ASB3: variants seen among roughly 807,000 people sequenced by gnomAD.
The protein encoded by ASB3 is ankyrin repeat and SOCS box protein 3.
A neutral mutation model predicts 54.5 loss-of-function variants in ASB3; 41 were observed. The ratio of observed to expected loss-of-function variants is 0.75; its 90% CI spans 0.59 to 0.98. ASB3 has a LOEUF of 0.98. Among genes scored for constraint, ASB3 ranks in the 50% least tolerant of loss-of-function variants. ASB3 has a pLI of 0.00. For synonymous variants in ASB3, 266 were observed against 221.2 expected (o/e 1.20, Z -1.80); for missense variants, 733 against 620.0 (o/e 1.18, Z -1.94).
intron 3 of ASB3, among the ~76,000 whole-genome samples, chr2:53,731,562 G>A (rs980361533): frequency 3.9e-5 from 6 of 152,172 alleles, no homozygotes; most frequent in African/African-American, 1.4e-4. Flanking sequence ...AGTTCTTCAA[G>A]CTATTTTTGT....
At chr2:53,691,147 A>G (rs959235969) in intron 9 of ASB3, among the ~76,000 whole-genome samples, 2 of 152,234 alleles carry the variant, frequency 1.3e-5, no homozygotes, top group African/African-American at 4.8e-5. Flanking sequence ...CTGATGCTAG[A>G]AACTTTTTGA....
chr2:53,718,880 A>C (rs888503618), intron 5 of ASB3, among the ~76,000 whole-genome samples: 17 of 152,170 alleles, frequency 1.1e-4, no homozygotes, highest in Admixed American at 7.9e-4. Flanking sequence ...TTTATCAACC[A>C]AATGGAAAAC....
At chr2:53,673,309 G>A (rs987011229) in intron 9 of ASB3, among the ~76,000 whole-genome samples, 3 of 152,142 alleles carry the variant, frequency 2.0e-5, no homozygotes, top group Admixed American at 1.3e-4. Flanking sequence ...TGTGCAACCC[G>A]GAGGAGAGCT....
At position 53,729,520 on chromosome 2, in the gene ASB3, C is replaced by T. The variant is rs763353934; in HGVS notation, c.406G>A (p.Ala136Thr). 22 of 1,613,830 alleles carry T rather than the reference C, an allele frequency of 1.4e-5. No individual in the cohort carries two copies. The highest frequency in any genetic ancestry group is 1.1e-5 in the Non-Finnish European group (13 of 1,179,862). The change falls in exon 4 of 10, where the codon GCA becomes ACA. Residue 136 changes from alanine (A) to threonine (T), a missense_variant. Coordinates refer to ENST00000263634, the MANE Select transcript of ASB3 (RefSeq NM_016115.5). ...DVLRLLLQHG[A>T]NVNGSHSMCG... ...ATAGAATGGGATCCATTAACATTTG[C>T]TCCGTGTTGAAGCAACAGCCTTAAC...
chr2:53,707,430 C>A (rs1177291509), intron 7 of ASB3, among the ~76,000 whole-genome samples: 1 of 151,846 alleles, frequency 6.6e-6, no homozygotes, highest in African/African-American at 2.4e-5. Context: ...ATCACTGGAG[C>A]TCAGGAGTTG....
chr2:53,778,885 T>A (rs543938944), intron 1 of ASB3, among the ~76,000 whole-genome samples: 2 of 152,334 alleles, frequency 1.3e-5, no homozygotes, highest in East Asian at 3.9e-4. Flanking sequence ...TGATTTCCAA[T>A]CTTTTAGGTA....
At chr2:53,701,619 T>C (rs1401794143) in intron 7 of ASB3, among the ~76,000 whole-genome samples, 2 of 152,146 alleles carry the variant, frequency 1.3e-5, no homozygotes, top group Non-Finnish European at 2.9e-5. Flanking sequence ...TACTCTCCAG[T>C]GAAAAAAACT....
chr2:53,716,880 A>C, intron 5 of ASB3, 137 bp from the exon 6 acceptor site: 1 of 991,344 alleles, frequency 1.0e-6, no homozygotes, highest in Non-Finnish European at 1.4e-6. Context: ...GGATGTTGTT[A>C]TATAAACATA....
At chr2:53,695,922 A>G (rs894016402) in intron 8 of ASB3, among the ~76,000 whole-genome samples, 1 of 152,194 alleles carries the variant, frequency 6.6e-6, no homozygotes, top group African/African-American at 2.4e-5. Context: ...AATTTACGTG[A>G]CAAAGATTAA....
intron 5 of ASB3, among the ~76,000 whole-genome samples, chr2:53,724,469 C>A (rs965637243): frequency 2.0e-5 from 3 of 151,774 alleles, no homozygotes; most frequent in African/African-American, 4.8e-5. Flanking sequence ...CATGGTGGCA[C>A]GTGCCTGTAG....
chr2:53,726,539 G>A (rs1303868613), intron 5 of ASB3, among the ~76,000 whole-genome samples: 1 of 151,212 alleles, frequency 6.6e-6, no homozygotes, highest in East Asian at 1.9e-4. Context: ...GGGATTACAG[G>A]CATGAGGCAC....
At chr2:53,673,692 T>C (rs764330199) in intron 9 of ASB3, among the ~76,000 whole-genome samples, 4 of 152,344 alleles carry the variant, frequency 2.6e-5, no homozygotes, top group Admixed American at 6.5e-5. Flanking sequence ...CTTTAAACTA[T>C]GATAAGCTCA....
intron 1 of ASB3, among the ~76,000 whole-genome samples, chr2:53,768,942 T>C (rs968557637): frequency 1.3e-5 from 2 of 152,216 alleles, no homozygotes; most frequent in African/African-American, 4.8e-5. Flanking sequence ...AGTTTGCACC[T>C]GCTCATAAGA....
intron 3 of ASB3, among the ~76,000 whole-genome samples, chr2:53,746,635 C>T (rs1186610730): frequency 1.3e-5 from 2 of 152,018 alleles, no homozygotes; most frequent in African/African-American, 4.8e-5. Context: ...TGTGCCACCA[C>T]ACCCAGCTAA....
At chr2:53,745,070 T>C (rs1020408395) in intron 3 of ASB3, among the ~76,000 whole-genome samples, 11 of 152,356 alleles carry the variant, frequency 7.2e-5, no homozygotes, top group African/African-American at 2.6e-4. Flanking sequence ...AGCAATGTTT[T>C]CTAAATATAA....
At chr2:53,778,057 G>A (rs1019084947) in intron 1 of ASB3, among the ~76,000 whole-genome samples, 2 of 150,768 alleles carry the variant, frequency 1.3e-5, no homozygotes, top group Non-Finnish European at 1.5e-5. Flanking sequence ...GCTAAGCCAG[G>A]AGAATTGCTT....
intron 9 of ASB3, among the ~76,000 whole-genome samples, chr2:53,688,940 A>T (rs1480385259): frequency 1.3e-5 from 2 of 152,232 alleles, no homozygotes; most frequent in Non-Finnish European, 2.9e-5. Context: ...TAAGAAAAAA[A>T]AAAGAAAAAG....
intron 3 of ASB3, among the ~76,000 whole-genome samples, chr2:53,747,825 T>G (rs964288213): frequency 6.6e-6 from 1 of 152,322 alleles, no homozygotes; most frequent in Middle Eastern, 3.4e-3. Flanking sequence ...AAGAGATCAG[T>G]GGATACTTCA....
chr2:53,755,712 A>C (rs1163867623), intron 2 of ASB3, among the ~76,000 whole-genome samples: 2 of 152,262 alleles, frequency 1.3e-5, no homozygotes, highest in Non-Finnish European at 2.9e-5. Flanking sequence ...TAATGCACAC[A>C]AGATGCATGG....
Sources: allele counts gnomAD v4.1 joint callset (sites outside exome capture counted in the v4.1 genomes callset), GRCh38; gene constraint gnomAD v4.1.1; transcripts MANE v1.5; gene names NCBI Gene and HGNC (gene_info 2026-07-23, HGNC 2026-07-21).